The following VGLL4 variants were observed in gnomAD, a reference collection of about 807,000 sequenced individuals.
The protein encoded by VGLL4 is transcription cofactor vestigial-like protein 4.
A neutral mutation model predicts 21.0 loss-of-function variants in VGLL4; 7 were observed. That is an observed-to-expected ratio of 0.33 (90% confidence interval 0.19 to 0.63). VGLL4 has a LOEUF of 0.63. VGLL4 is among the 20% of genes least tolerant of loss of function. The pLI, the probability that VGLL4 is intolerant of heterozygous loss-of-function variation, is 0.78. For missense variants in VGLL4, 394 were observed against 425.7 expected (o/e 0.93, Z 0.66); for synonymous variants, 222 against 173.2 (o/e 1.28, Z -2.21).
intron 1 of VGLL4, chr3:11,633,169 T>C (rs933123117): frequency 6.6e-6 from 1 of 152,218 alleles, no homozygotes; most frequent in Non-Finnish European, 1.5e-5. Flanking sequence ...ATTTCAATGC[T>C]TATCTTTAGT....
intron 2 of VGLL4, among the ~76,000 whole-genome samples, chr3:11,573,191 A>G (rs990651151): frequency 6.6e-6 from 1 of 151,340 alleles, no homozygotes; most frequent in Non-Finnish European, 1.5e-5. Context: ...ACAGACAGAC[A>G]GAAAGAAAGA....
At chr3:11,607,503 T>C (rs1219750652) in intron 1 of VGLL4, 1 of 152,160 alleles carries the variant, frequency 6.6e-6, no homozygotes, top group Non-Finnish European at 1.5e-5. Context: ...AAATTGATTG[T>C]GATAAAAGTT....
At chr3:11,573,628 T>C (rs1319937191) in intron 2 of VGLL4, among the ~76,000 whole-genome samples, 1 of 152,266 alleles carries the variant, frequency 6.6e-6, no homozygotes, top group Non-Finnish European at 1.5e-5. Flanking sequence ...CCTATGGATT[T>C]CTGCCATTCT....
At chr3:11,574,039 G>A (rs1322252539) in intron 2 of VGLL4, among the ~76,000 whole-genome samples, 1 of 152,186 alleles carries the variant, frequency 6.6e-6, no homozygotes, top group African/African-American at 2.4e-5. Flanking sequence ...GCAGCTGAGA[G>A]AAAGGCCTGC....
At chr3:11,646,470 G>A (rs1230461779), upstream of VGLL4, among the ~76,000 whole-genome samples, 1 of 152,036 alleles carries the variant, frequency 6.6e-6, no homozygotes, top group Non-Finnish European at 1.5e-5. Context: ...CTCATCTGAG[G>A]TGGGAACCAG....
At chr3:11,580,809 G>A (rs2074201934) in intron 2 of VGLL4, among the ~76,000 whole-genome samples, 1 of 152,182 alleles carries the variant, frequency 6.6e-6, no homozygotes, top group Admixed American at 6.5e-5. Flanking sequence ...ACTAAATCCA[G>A]CAAACTTGGG....
intron 2 of VGLL4, among the ~76,000 whole-genome samples, chr3:11,658,649 T>TTTTTTTTTTTTTTTTTTTTTTTTTTGAG (rs1407105707): frequency 1.3e-5 from 2 of 150,998 alleles, no homozygotes; most frequent in African/African-American, 2.5e-5. Context: ...TCTTTCCTTT[T>TTTTTTTTTTTTTTTTTTTTTTTTTTGAG]ATCCAGCCGG....
intron 2 of VGLL4, among the ~76,000 whole-genome samples, chr3:11,586,188 T>C (rs1044420356): frequency 6.6e-6 from 1 of 152,268 alleles, no homozygotes; most frequent in Admixed American, 6.5e-5. Flanking sequence ...TGTGAGATCA[T>C]ATCATTGTCT....
At chr3:11,651,804 T>A (rs17034981) in intron 2 of VGLL4, among the ~76,000 whole-genome samples, 20,959 of 152,140 alleles carry the variant, frequency 0.14, 1,621 homozygotes, top group African/African-American at 0.2. Context: ...AAGCTCCCTT[T>A]GTTGTTACTT....
chr3:11,711,640 C>T (rs1406760368), intron 1 of VGLL4, among the ~76,000 whole-genome samples: 1 of 152,072 alleles, frequency 6.6e-6, no homozygotes, highest in Non-Finnish European at 1.5e-5. Context: ...TGGCTTGAGC[C>T]CAGGAAGCTG....
rs17035036 is a variant in VGLL4, at chr3:11,661,945, A to G, written c.64+41026T>C. Among the ~76,000 whole-genome samples the G allele has an allele frequency of 7.5e-3, 1,147 of 152,344 alleles. 14 individuals carry two copies. The highest frequency in any genetic ancestry group is 0.025 in the African/African-American group (1,060 of 41,582). On this transcript the variant is annotated intron_variant, in intron 2 of 5. Transcript: ENST00000273038. The stretch of plus-strand genomic sequence containing the variant: ...GAAACGGATGCCGCACTAAACAGCA[A>G]TAAAGGAAGTGGAGACACTGATGGA...
intron 1 of VGLL4, among the ~76,000 whole-genome samples, chr3:11,710,150 A>G (rs998328642): frequency 1.3e-5 from 2 of 152,160 alleles, no homozygotes; most frequent in Non-Finnish European, 2.9e-5. Flanking sequence ...GCACTAAACC[A>G]TTCATGAGGG....
chr3:11,604,297 T>A, intron 1 of VGLL4: 1 of 767,238 alleles, frequency 1.3e-6, no homozygotes, highest in Non-Finnish European at 1.5e-6. Flanking sequence ...ATGACGAAGC[T>A]GTGCCCCAAA....
intron 1 of VGLL4, among the ~76,000 whole-genome samples, chr3:11,621,501 T>C (rs1289176987): frequency 1.3e-5 from 2 of 152,262 alleles, no homozygotes; most frequent in African/African-American, 4.8e-5. Context: ...CGTATGTCAG[T>C]ACTATATTTC....
At chr3:11,659,348 T>G (rs2076003682) in intron 2 of VGLL4, among the ~76,000 whole-genome samples, 1 of 72,296 alleles carries the variant, frequency 1.4e-5, no homozygotes, top group African/African-American at 5.0e-5. Context: ...TTTTTTTTTT[T>G]GAGACAGAGT....
chr3:11,682,690 T>C lies in VGLL4; in HGVS notation c.64+20281A>G, dbSNP rs540280042. Among the ~76,000 whole-genome samples, 4 of 148,518 alleles carry C rather than the reference T, an allele frequency of 2.7e-5. No homozygotes were observed. The South Asian group carries it at 8.5e-4, about 32-fold the overall frequency. On this transcript the variant is annotated intron_variant, in intron 2 of 5. Transcript: ENST00000273038. ...GTGTAGATTTCCACATAATTGAACTTGTCCAACTCCTAAAACTGTTTAATA... is the reference window on the plus strand; with the variant it reads ...GTGTAGATTTCCACATAATTGAACTCGTCCAACTCCTAAAACTGTTTAATA...
At chr3:11,685,851 CA>C (rs1218360549) in intron 2 of VGLL4, among the ~76,000 whole-genome samples, 2 of 149,826 alleles carry the variant, frequency 1.3e-5, no homozygotes, top group South Asian at 2.1e-4. Flanking sequence ...GACTCCATCT[CA>C]AAAAAAAAGC....
At chr3:11,657,582 A>T (rs2075975851) in intron 2 of VGLL4, among the ~76,000 whole-genome samples, 1 of 152,218 alleles carries the variant, frequency 6.6e-6, no homozygotes, top group African/African-American at 2.4e-5. Context: ...ACACTGAGGC[A>T]AAACAGCTGC....
chr3:11,676,873 G>A (rs1001437014), intron 2 of VGLL4, among the ~76,000 whole-genome samples: 3 of 152,088 alleles, frequency 2.0e-5, no homozygotes, highest in Non-Finnish European at 4.4e-5. Context: ...TGCCACAGTA[G>A]CACTGTAAAA....
Sources: gnomAD v4.1 joint callset for allele counts (sites outside exome capture counted in the v4.1 genomes callset) on GRCh38, gnomAD v4.1.1 for gene constraint, MANE v1.5 for transcripts, NCBI Gene and HGNC (gene_info 2026-07-23, HGNC 2026-07-21) for gene names.